Variants in SPRED2 observed in about 807,000 individuals in gnomAD.
SPRED2 encodes the protein sprouty related EVH1 domain containing 2.
Under a neutral mutation model 43.0 loss-of-function variants are expected in SPRED2, and 47 were observed. The observed-to-expected ratio is 1.09, with a 90% CI of 0.87 to 1.40. SPRED2 has a LOEUF of 1.40. Among genes scored for constraint, SPRED2 ranks in the 40% most tolerant of loss-of-function variants. The pLI, the probability that SPRED2 is intolerant of heterozygous loss-of-function variation, is 0.00. For missense variants in SPRED2, 561 were observed against 586.4 expected, an observed-to-expected ratio of 0.96 and a Z score of 0.45; for synonymous variants, 225 against 225.7, an observed-to-expected ratio of 1.00 and a Z score of 0.03.
intron 1 of SPRED2, among the ~76,000 whole-genome samples, chr2:65,416,650 A>G (rs913432699): frequency 6.6e-6 from 1 of 152,216 alleles, no homozygotes; most frequent in African/African-American, 2.4e-5. Flanking sequence ...CACAAGCAGT[A>G]TGAATTTTGT....
chr2:65,341,506 A>C (rs138127715), intron 2 of SPRED2, among the ~76,000 whole-genome samples: 14 of 152,232 alleles, frequency 9.2e-5, no homozygotes, highest in Non-Finnish European at 4.4e-5. Flanking sequence ...GTGTGAAGGG[A>C]CAGGCTTTGA....
At position 65,311,572 on chromosome 2, in the gene SPRED2, G is replaced by T; in HGVS notation, c.*1929C>A. On this transcript the variant is annotated 3_prime_UTR_variant, in exon 6 of 6. Transcript: ENST00000356388. ...CCCCAAGGAAGTGCCTCCGGGTCGG[G>T]GGAAGGTGGTCTCTCGACAGCACTG... 1 of 985,878 alleles carries T rather than the reference G, an allele frequency of 1.0e-6. No individual in the cohort carries two copies. Among genetic ancestry groups the T allele is most frequent in the Non-Finnish European group, 1.2e-6 (1 of 829,948 alleles). 61.1% of individuals were successfully genotyped at this position (985,878 alleles called of 1,614,324 possible).
rs70943644 is a variant in SPRED2 at position 65,321,504 on chromosome 2, TAAAAAAAAAAAAAAA to T, written c.439-4636_439-4622del. On this transcript the variant is annotated intron_variant, in intron 4 of 5. Transcript: ENST00000356388. ...CTGGGCAACAAATCAAGACCCTGTC[TAAAAAAAAAAAAAAA>T]AAAAAAAAAAAGATGTCCAATTAAG... is the stretch of plus-strand genomic sequence containing the variant. 1.4e-4 allele frequency among the ~76,000 whole-genome samples: 8 copies of T among 55,818 alleles called. 1 individual carries two copies. The highest frequency in any genetic ancestry group is 3.5e-4 in the African/African-American group (5 of 14,482). 36.6% of individuals were successfully genotyped at this position (55,818 alleles called of 152,430 possible).
At chr2:65,320,090 C>A (rs2104139094) in intron 4 of SPRED2, among the ~76,000 whole-genome samples, 1 of 152,338 alleles carries the variant, frequency 6.6e-6, no homozygotes, top group African/African-American at 2.4e-5. Flanking sequence ...ACAAAGGTTA[C>A]TACAGATCTC....
At chr2:65,348,744 G>C (rs746260933) in intron 1 of SPRED2, among the ~76,000 whole-genome samples, 1 of 150,258 alleles carries the variant, frequency 6.7e-6, no homozygotes, top group Non-Finnish European at 1.5e-5. Context: ...GCAGAGCTGA[G>C]ATCGCGCCAC....
At chr2:65,423,275 A>G (rs7592182) in intron 1 of SPRED2, among the ~76,000 whole-genome samples, 3,068 of 152,318 alleles carry the variant, frequency 0.02, 90 homozygotes, top group African/African-American at 0.07. Flanking sequence ...GTAATAAGGT[A>G]TCTAGACCAC....
intron 1 of SPRED2, among the ~76,000 whole-genome samples, chr2:65,365,523 G>C (rs757965954): frequency 1.1e-4 from 16 of 152,168 alleles, no homozygotes; most frequent in Non-Finnish European, 1.9e-4. Context: ...TTTCCAGCTT[G>C]GTAACCCCAG....
chr2:65,431,121 C>T lies in SPRED2; in HGVS notation c.26+841G>A, dbSNP rs1220321597. Among the ~76,000 whole-genome samples, 4 of 151,010 alleles carry T rather than the reference C, an allele frequency of 2.6e-5. No individual in the cohort carries two copies. The East Asian group carries it at 5.9e-4, about 22-fold the overall frequency. ...GTCACGGGTCCCGCGCGGGGCGGCC[C>T]AGGATCCCTCCGGCGGAGCGCCCCG... On this transcript the variant is annotated intron_variant, in intron 1 of 5. Transcript: ENST00000356388.
intron 1 of SPRED2, among the ~76,000 whole-genome samples, chr2:65,352,396 T>TA (rs533719729): frequency 2.5e-4 from 38 of 152,330 alleles, no homozygotes; most frequent in South Asian, 8.3e-4. Flanking sequence ...AGCCAACAAA[T>TA]ACACTCAATG....
At chr2:65,319,299 G>A (rs951825783) in intron 4 of SPRED2, among the ~76,000 whole-genome samples, 1 of 152,166 alleles carries the variant, frequency 6.6e-6, no homozygotes, top group Non-Finnish European at 1.5e-5. Context: ...GGTGCTCTCC[G>A]AAGCAATATA....
downstream of SPRED2, among the ~76,000 whole-genome samples, chr2:65,307,549 CAAAAA>C (rs55812957): frequency 9.6e-6 from 1 of 104,146 alleles, no homozygotes; most frequent in Non-Finnish European, 2.0e-5. Flanking sequence ...AACCCCTTCT[CAAAAA>C]AAAAAAAAAA....
intron 4 of SPRED2, among the ~76,000 whole-genome samples, chr2:65,327,713 CTTTTTTTTTTTTTTTTTT>C (rs555549300): frequency 1.3e-5 from 1 of 74,446 alleles, no homozygotes; most frequent in Non-Finnish European, 2.4e-5. Flanking sequence ...TTCTTTCTTT[CTTTTTTTTTTTTTTTTTT>C]TTTTTTTTTT....
At chr2:65,416,335 G>T (rs77118443) in intron 1 of SPRED2, among the ~76,000 whole-genome samples, 2,339 of 152,256 alleles carry the variant, frequency 0.015, 30 homozygotes, top group Non-Finnish European at 0.025. Flanking sequence ...AGTTGGGGGG[G>T]TGTATATTTC....
Position 65,432,262 on chromosome 2 carries a change from G to C in SPRED2, c.-275C>G, listed in dbSNP as rs1173118046. ...CCGGGGGCTCGGGAGCGGGCAGAGG[G>C]GGCGAGATTTGGGAAGGGGACGGCG... is the stretch of plus-strand genomic sequence containing the variant. On this transcript the variant is annotated 5_prime_UTR_variant, in exon 1 of 6. Transcript: ENST00000356388. 1.0e-5 allele frequency: 5 copies of C among 494,262 alleles called. No individual in the cohort carries two copies. 30.6% of individuals were successfully genotyped at this position (494,262 alleles called of 1,614,324 possible). A position where few individuals can be genotyped will look rare whatever the true frequency, so the allele number is the denominator to read the frequency against.
Position 65,312,464 on chromosome 2 carries a change from A to G in SPRED2, c.*1037T>C. 3 of 985,420 alleles carry G rather than the reference A, an allele frequency of 3.0e-6. No individual in the cohort carries two copies. The highest frequency in any genetic ancestry group is 3.6e-6 in the Non-Finnish European group (3 of 829,918). 61.0% of individuals were successfully genotyped at this position (985,420 alleles called of 1,614,324 possible). On this transcript the variant is annotated 3_prime_UTR_variant, in exon 6 of 6. Coordinates refer to ENST00000356388, the MANE Select transcript of SPRED2 (RefSeq NM_181784.3). ...AAATAGCCAGGGGTTGGGGGGAAGA[A>G]GCTCCCTATGGTTTTATTCACCATA...
Position 65,374,821 on chromosome 2 carries a change from T to C in SPRED2, c.27-29925A>G, listed in dbSNP as rs549012724. Among the ~76,000 whole-genome samples the C allele has an allele frequency of 6.6e-5, 10 of 152,380 alleles. No individual in the cohort carries two copies. In the South Asian group the frequency reaches 2.1e-3, roughly 32 times the overall value. On this transcript the variant is annotated intron_variant, in intron 1 of 5. Transcript: ENST00000356388. ...GACTTGGGGCCCAACTTCCTGCCCA[T>C]GGCTTACCTGCATTCTGCATAGGGG... is the stretch of plus-strand genomic sequence containing the variant.
intron 1 of SPRED2, among the ~76,000 whole-genome samples, chr2:65,367,959 CA>C (rs374674255): frequency 1.4e-5 from 2 of 146,264 alleles, no homozygotes; most frequent in African/African-American, 2.5e-5. Flanking sequence ...TAGTGGCTGA[CA>C]AAAAAAAAAT....
In SPRED2 at chr2:65,316,763, A is replaced by G. The variant is rs770252796; in HGVS notation, c.559T>C (p.Tyr187His). The change falls in exon 5 of 6, where the codon TAC becomes CAC. Residue 187 changes from tyrosine to histidine, a missense_variant. Physicochemically the swap from Tyr to His is moderately conservative, Grantham distance 83. Around this residue, in one of 6 missense-constraint regions of SPRED2, gnomAD observed 305 missense variants for 282.4 expected, o/e 1.08. Coordinates refer to ENST00000356388, the MANE Select transcript of SPRED2 (RefSeq NM_181784.3). ...IYTLGHLHDS[Y>H]PTDHYHLDQP... The stretch of plus-strand genomic sequence containing the variant: ...TCGAGGTGATAGTGGTCTGTGGGGT[A>G]TGAGTCGTGGAGGTGGCCCAGGGTA... The G allele has an allele frequency of 5.0e-6, 8 of 1,612,230 alleles. 1 individual carries two copies. In the Admixed American group the frequency reaches 8.4e-5, roughly 17 times the overall value.
At chr2:65,385,955 TG>T (rs1675486642) in intron 1 of SPRED2, among the ~76,000 whole-genome samples, 1 of 152,004 alleles carries the variant, frequency 6.6e-6, no homozygotes, top group African/African-American at 2.4e-5. Context: ...CCATGGGAGA[TG>T]GTGAGGCAAA....
Sources: gnomAD v4.1 joint callset for allele counts (sites outside exome capture counted in the v4.1 genomes callset) on GRCh38, gnomAD v4.1.1 for gene constraint, gnomAD v4.1.1 regional missense constraint, MANE v1.5 for transcripts, NCBI Gene and HGNC (gene_info 2026-07-23, HGNC 2026-07-21) for gene names.